ZNF385D: variants seen among roughly 807,000 people sequenced by gnomAD.
ZNF385D encodes zinc finger protein 385D.
Under a neutral mutation model 35.8 loss-of-function variants are expected in ZNF385D, and 15 were observed. The ratio of observed to expected loss-of-function variants is 0.42; its 90% CI spans 0.28 to 0.64. ZNF385D has a LOEUF of 0.64. ZNF385D is among the 30% of genes least tolerant of loss of function. The probability of loss-of-function intolerance (pLI) is 0.23; values close to 1 mark genes in which losing one functional copy is unlikely to be tolerated. For missense variants in ZNF385D, 474 were observed against 494.6 expected, an observed-to-expected ratio of 0.96 and a Z score of 0.39; for synonymous variants, 212 against 186.8, an observed-to-expected ratio of 1.13 and a Z score of -1.10.
At chr3:22,025,819 G>A (rs1219120218) in intron 3 of ZNF385D, among the ~76,000 whole-genome samples, 1 of 152,146 alleles carries the variant, frequency 6.6e-6, no homozygotes, top group Non-Finnish European at 1.5e-5. Flanking sequence ...AATGCCTTGT[G>A]AGGGCAGCAC....
intron 3 of ZNF385D, among the ~76,000 whole-genome samples, chr3:22,134,970 T>C (rs1026769349): frequency 1.3e-5 from 2 of 152,156 alleles, no homozygotes; most frequent in African/African-American, 4.8e-5. Flanking sequence ...ATTATGAAAA[T>C]GACTGCATTC....
At position 21,565,792 on chromosome 3, in the gene ZNF385D, C is replaced by T. The variant is rs140812584; in HGVS notation, c.166-1108G>A. ...TTTTTCAAATGATGAGATAAAAGGA[C>T]TTATAAGTAAGTCTTCATAATAGAT... On this transcript the variant is annotated intron_variant, in intron 2 of 7. Coordinates refer to ENST00000281523, the MANE Select transcript of ZNF385D (RefSeq NM_024697.3). Among the ~76,000 whole-genome samples the T allele has an allele frequency of 2.4e-4, 37 of 152,232 alleles. No individual in the cohort carries two copies. In the East Asian group the frequency reaches 6.6e-3, roughly 27 times the overall value.
intron 2 of ZNF385D, among the ~76,000 whole-genome samples, chr3:22,276,828 A>G (rs1420199846): frequency 6.6e-6 from 1 of 152,132 alleles, no homozygotes; most frequent in East Asian, 1.9e-4. Flanking sequence ...ATAGAATGGA[A>G]CAAAATAATA....
intron 2 of ZNF385D, among the ~76,000 whole-genome samples, chr3:22,278,952 A>G (rs1701576265): frequency 6.6e-6 from 1 of 152,024 alleles, no homozygotes; most frequent in Non-Finnish European, 1.5e-5. Context: ...GGGTTCCCTT[A>G]CCTGATAGGC....
chr3:21,683,248 T>C (rs2066973939), intron 1 of ZNF385D, among the ~76,000 whole-genome samples: 1 of 150,018 alleles, frequency 6.7e-6, no homozygotes, highest in Non-Finnish European at 1.5e-5. Context: ...ATTTCCTGCT[T>C]CCTGCTGTAC....
intron 1 of ZNF385D, among the ~76,000 whole-genome samples, chr3:21,704,012 C>G (rs760325251): frequency 1.3e-5 from 2 of 152,192 alleles, no homozygotes; most frequent in African/African-American, 4.8e-5. Flanking sequence ...CTGTTTATGT[C>G]TTTTACCAAC....
At chr3:22,016,055 G>C (rs1030902571) in intron 3 of ZNF385D, among the ~76,000 whole-genome samples, 5 of 152,112 alleles carry the variant, frequency 3.3e-5, no homozygotes, top group Non-Finnish European at 5.9e-5. Context: ...ATAAATTTGA[G>C]AGTTTACTTA....
Position 21,577,851 on chromosome 3 carries a change from C to G in ZNF385D, c.166-13167G>C, listed in dbSNP as rs191795341. On this transcript the variant is annotated intron_variant, in intron 2 of 7. Transcript: ENST00000281523. ...TCGAGACAGGGTCTCACTCCATTGC[C>G]CAGGTTAGAATGATGTGTTGCAATC... Among the ~76,000 whole-genome samples, 9 of 150,980 alleles carry G rather than the reference C, an allele frequency of 6.0e-5. No individual in the cohort carries two copies. In the East Asian group the frequency reaches 1.7e-3, roughly 29 times the overall value.
At chr3:21,559,831 G>A (rs1016215686) in intron 3 of ZNF385D, among the ~76,000 whole-genome samples, 1 of 151,962 alleles carries the variant, frequency 6.6e-6, no homozygotes, top group African/African-American at 2.4e-5. Context: ...TCACATATTC[G>A]CATATTTCTT....
intron 1 of ZNF385D, among the ~76,000 whole-genome samples, chr3:21,733,627 T>C (rs2336045): frequency 0.044 from 6,721 of 152,262 alleles, 492 homozygotes; most frequent in African/African-American, 0.15. Context: ...TTCTCTTTTG[T>C]GATTCTGGGT....
intron 3 of ZNF385D, among the ~76,000 whole-genome samples, chr3:21,953,687 C>G (rs1264504998): frequency 6.6e-6 from 1 of 152,002 alleles, no homozygotes; most frequent in Admixed American, 6.6e-5. Context: ...TTCCATTTAA[C>G]TTCAGCAAAT....
At chr3:21,464,669 C>T (rs1026687) in intron 4 of ZNF385D, among the ~76,000 whole-genome samples, 77,722 of 151,426 alleles carry the variant, frequency 0.51, 21,029 homozygotes, top group East Asian at 0.68. Context: ...TTTCAAGACA[C>T]AGTCTCCAAA....
Position 21,884,384 on chromosome 3 carries a change from T to C in ZNF385D, c.326-219356A>G, listed in dbSNP as rs529147217. ...CTGAGTGCTTCTCCTAATGTCTATC[T>C]GACATCTAACTTTCTATCCAATATT... On this transcript the variant is annotated intron_variant, in intron 3 of 5. Transcript: ENST00000494108. 1.2e-3 allele frequency among the ~76,000 whole-genome samples: 180 copies of C among 152,128 alleles called. 1 individual carries two copies. Among genetic ancestry groups the C allele is most frequent in the Admixed American group, 5.8e-3 (88 of 15,236 alleles).
intron 2 of ZNF385D, among the ~76,000 whole-genome samples, chr3:22,279,780 C>G (rs1451176033): frequency 1.3e-5 from 2 of 151,732 alleles, no homozygotes; most frequent in Admixed American, 6.6e-5. Flanking sequence ...ATAATGACTT[C>G]TTTTCCTCTG....
At chr3:21,883,176 G>C (rs1698366062) in intron 3 of ZNF385D, among the ~76,000 whole-genome samples, 1 of 151,658 alleles carries the variant, frequency 6.6e-6, no homozygotes, top group Non-Finnish European at 1.5e-5. Context: ...ACAATGTCTT[G>C]GTAGCTTGTC....
intron 5 of ZNF385D, among the ~76,000 whole-genome samples, chr3:21,430,719 C>T (rs931274984): frequency 6.6e-6 from 1 of 152,078 alleles, no homozygotes; most frequent in African/African-American, 2.4e-5. Context: ...TTATATGCAC[C>T]CATTTCTTCT....
chr3:22,325,938 A>G (rs1354561723), intron 2 of ZNF385D, among the ~76,000 whole-genome samples: 4 of 151,928 alleles, frequency 2.6e-5, no homozygotes, highest in East Asian at 1.9e-4. Flanking sequence ...AATGATCATC[A>G]TTATCCATCT....
At chr3:21,749,440 G>A (rs964617662) in intron 1 of ZNF385D, among the ~76,000 whole-genome samples, 3 of 152,086 alleles carry the variant, frequency 2.0e-5, no homozygotes, top group African/African-American at 7.2e-5. Flanking sequence ...ATTATAATCT[G>A]TTTCATCATC....
chr3:22,310,273 A>G (rs1279967815), intron 2 of ZNF385D, among the ~76,000 whole-genome samples: 1 of 152,024 alleles, frequency 6.6e-6, no homozygotes, highest in Non-Finnish European at 1.5e-5. Context: ...ATTTTACTAC[A>G]GGTAAGATAA....
Sources: allele counts gnomAD v4.1 joint callset (sites outside exome capture counted in the v4.1 genomes callset), GRCh38; gene constraint gnomAD v4.1.1; transcripts MANE v1.5; gene names NCBI Gene and HGNC (gene_info 2026-07-23, HGNC 2026-07-21).